Variants in ADAM19 observed in about 807,000 individuals in gnomAD.
The protein encoded by ADAM19 is disintegrin and metalloproteinase domain-containing protein 19.
Under a neutral mutation model 114.7 loss-of-function variants are expected in ADAM19, and 65 were observed. The observed-to-expected ratio is 0.57, with a 90% confidence interval of 0.46 to 0.70. The LOEUF is 0.70. Ranked by LOEUF, ADAM19 falls within the 30% of genes least tolerant of loss-of-function variation. The pLI is 0.00. For missense variants in ADAM19, 1,063 were observed against 1,204.7 expected, an observed-to-expected ratio of 0.88 and a Z score of 1.74; for synonymous variants, 466 against 460.5, an observed-to-expected ratio of 1.01 and a Z score of -0.15.
chr5:157,494,555 G>A (rs955951316), intron 15 of ADAM19, 132 bp downstream of exon 15: 1 of 666,208 alleles, frequency 1.5e-6, no homozygotes, highest in Admixed American at 2.7e-5. Flanking sequence ...GAGAATAGAT[G>A]ACTGACTTCA....
At chr5:157,562,707 A>G (rs1011325825) in intron 3 of ADAM19, among the ~76,000 whole-genome samples, 1 of 152,238 alleles carries the variant, frequency 6.6e-6, no homozygotes, top group African/African-American at 2.4e-5. Context: ...CTCTGAATCA[A>G]AACTTCTGCA....
chr5:157,490,405 C>T lies in ADAM19; in HGVS notation c.2145G>A (p.Ala715=), dbSNP rs765975699. ...AGVLVAILVL[A]VLMLMYYCCR... is the part of the protein sequence containing the mutation. ...AGCAGTAGTACATCAGCATGAGGAC[C>T]GCCAGCACCAAGATGGCCACCAACA... The change falls in exon 19 of 23, where the codon GCG becomes GCA. Residue 715 remains alanine, a synonymous_variant. Coordinates refer to ENST00000257527, the MANE Select transcript of ADAM19 (RefSeq NM_033274.5). The T allele has an allele frequency of 6.2e-6, 10 of 1,613,914 alleles. No individual in the cohort carries two copies. Among genetic ancestry groups the T allele is most frequent in the Admixed American group, 3.3e-5 (2 of 59,986 alleles).
intron 3 of ADAM19, among the ~76,000 whole-genome samples, chr5:157,554,990 G>T (rs749343483): frequency 6.6e-6 from 1 of 152,280 alleles, no homozygotes; most frequent in East Asian, 1.9e-4. Flanking sequence ...GAAAGGGAAG[G>T]GGGAGAGTAG....
At chr5:157,505,835 AGGTCAAGGG>A (rs1382498149) in intron 10 of ADAM19, 27 bp from the exon 11 acceptor site, 1 of 1,609,366 alleles carries the variant, frequency 6.2e-7, no homozygotes, top group Admixed American at 1.7e-5. Flanking sequence ...GTTGAGGTCA[AGGTCAAGGG>A]GACAGATCTG....
At chr5:157,564,305 G>C in intron 3 of ADAM19, 68 bp downstream of exon 3, 2 of 1,454,338 alleles carry the variant, frequency 1.4e-6, no homozygotes, top group Admixed American at 1.7e-5. Flanking sequence ...CCAGAACAGC[G>C]ACACCTGCGT....
In ADAM19 at chr5:157,480,763, T is replaced by C; in HGVS notation, c.*186A>G. 6.9e-7 allele frequency: 1 copy of C among 1,440,930 alleles called. No homozygotes were observed. The highest frequency in any genetic ancestry group is 9.1e-7 in the Non-Finnish European group (1 of 1,103,718). 89.3% of individuals were successfully genotyped at this position (1,440,930 alleles called of 1,614,324 possible). Reference sequence around the variant, plus strand: ...CTAGAGGCCATCAGATCATAGTCCCTCTGGGCTTCCAAGGAAGCCGAGGAG... The same window carrying C: ...CTAGAGGCCATCAGATCATAGTCCCCCTGGGCTTCCAAGGAAGCCGAGGAG... On this transcript the variant is annotated 3_prime_UTR_variant, in exon 23 of 23. Coordinates refer to ENST00000257527, the MANE Select transcript of ADAM19 (RefSeq NM_033274.5).
At chr5:157,483,882 C>T (rs779413078) in intron 21 of ADAM19, among the ~76,000 whole-genome samples, 4 of 152,020 alleles carry the variant, frequency 2.6e-5, no homozygotes, top group Non-Finnish European at 5.9e-5. Flanking sequence ...ATCTGCCTGC[C>T]TTGGCCTCCC....
rs754811006 is a variant in ADAM19 at position 157,490,340 on chromosome 5, G to C, written c.2210C>G (p.Ala737Gly). ...CTGTTGCCTCAGCTTGGAAGGGAGA[G>C]CTGAGGGCTTGAGTTGGCCTAGTTT... The part of the protein sequence containing the change: ...NNKLGQLKPS[A>G]LPSKLRQQFS... The change falls in exon 19 of 23, where the codon GCT (alanine) becomes GGT (glycine). Residue 737 changes from alanine to glycine, a missense_variant. This residue lies in a region of ADAM19 where 424 missense variants were observed against 445.5 expected (regional missense o/e 0.95). Coordinates refer to ENST00000257527, the MANE Select transcript of ADAM19 (RefSeq NM_033274.5). 4.3e-6 allele frequency: 7 copies of C among 1,613,984 alleles called. No homozygotes were observed. In the East Asian group the frequency reaches 1.1e-4, roughly 26 times the overall value.
At chr5:157,512,886 C>T (rs1412925926) in intron 8 of ADAM19, among the ~76,000 whole-genome samples, 1 of 152,222 alleles carries the variant, frequency 6.6e-6, no homozygotes, top group Non-Finnish European at 1.5e-5. Context: ...GTCTTTCCCA[C>T]CCTGACCTAC....
At chr5:157,492,027 C>T (rs1362141998) in intron 16 of ADAM19, 115 bp from the exon 17 acceptor site, 2 of 949,620 alleles carry the variant, frequency 2.1e-6, no homozygotes, top group East Asian at 2.7e-5. Context: ...CCTGGTGGCT[C>T]ACGCCTGTAA....
chr5:157,522,002 A>G (rs2113744078), intron 5 of ADAM19, among the ~76,000 whole-genome samples: 1 of 152,356 alleles, frequency 6.6e-6, no homozygotes, highest in South Asian at 2.1e-4. Flanking sequence ...GGAGGTTCAC[A>G]AGGCGCAACT....
chr5:157,495,665 G>A (rs746068970), intron 14 of ADAM19, among the ~76,000 whole-genome samples: 3 of 151,986 alleles, frequency 2.0e-5, no homozygotes, highest in Non-Finnish European at 2.9e-5. Flanking sequence ...ACAGAGTCTT[G>A]CTCTGTCACC....
At chr5:157,482,620 T>C (rs1187927406) in intron 21 of ADAM19, among the ~76,000 whole-genome samples, 11 of 152,346 alleles carry the variant, frequency 7.2e-5, no homozygotes, top group African/African-American at 9.6e-5. Flanking sequence ...TTTCTGCATA[T>C]GGCTAGACAG....
At chr5:157,549,418 A>C (rs1396671887) in intron 3 of ADAM19, among the ~76,000 whole-genome samples, 1 of 152,354 alleles carries the variant, frequency 6.6e-6, no homozygotes, top group Middle Eastern at 3.4e-3. Context: ...GATTAGTAGC[A>C]CTACAGTTTT....
At position 157,526,826 on chromosome 5, in the gene ADAM19, G is replaced by A. The variant is rs948141532; in HGVS notation, c.407+3981C>T. On this transcript the variant is annotated intron_variant, in intron 5 of 22. Transcript: ENST00000257527. Reference sequence around the variant, plus strand: ...AGTGGAAATGGAGTTTTGCCATGTCGGCCAGGTTGGTCTCGAACTCCTGAC... The same window carrying A: ...AGTGGAAATGGAGTTTTGCCATGTCAGCCAGGTTGGTCTCGAACTCCTGAC... 7.9e-5 allele frequency among the ~76,000 whole-genome samples: 12 copies of A among 152,134 alleles called. No homozygotes were observed. The East Asian group carries it at 1.5e-3, about 20-fold the overall frequency.
intron 16 of ADAM19, 23 bp downstream of exon 16, chr5:157,492,950 G>A: frequency 6.2e-7 from 1 of 1,612,918 alleles, no homozygotes; most frequent in Non-Finnish European, 8.5e-7. Context: ...CTGGCTCCTA[G>A]GTGAGCAGGG....
At chr5:157,541,668 T>C (rs1469952263) in intron 3 of ADAM19, among the ~76,000 whole-genome samples, 2 of 152,046 alleles carry the variant, frequency 1.3e-5, no homozygotes, top group African/African-American at 2.4e-5. Flanking sequence ...GCCCTGAAAG[T>C]ACACTGCAGC....
intron 5 of ADAM19, among the ~76,000 whole-genome samples, chr5:157,521,610 G>A (rs1046361688): frequency 6.6e-6 from 1 of 152,110 alleles, no homozygotes; most frequent in Admixed American, 6.6e-5. Flanking sequence ...CCAGATCCAG[G>A]AAGCCTGATG....
intron 3 of ADAM19, among the ~76,000 whole-genome samples, chr5:157,555,621 C>T (rs1757346365): frequency 1.3e-5 from 2 of 152,262 alleles, no homozygotes; most frequent in South Asian, 2.1e-4. Flanking sequence ...ATGTGCCAGA[C>T]GTTGTACTAA....
Sources: allele counts gnomAD v4.1 joint callset (sites outside exome capture counted in the v4.1 genomes callset), GRCh38; gene constraint gnomAD v4.1.1; regional missense constraint gnomAD v4.1.1; transcripts MANE v1.5; gene names NCBI Gene and HGNC (gene_info 2026-07-23, HGNC 2026-07-21).